Variants in ACSL4 observed in about 807,000 individuals in gnomAD.
ACSL4 encodes long-chain-fatty-acid--CoA ligase 4.
In ACSL4, 9 loss-of-function variants were observed where a neutral mutation model predicts 49.1. The ratio of observed to expected loss-of-function variants is 0.18; its 90% CI spans 0.11 to 0.32. The LOEUF is 0.32. ACSL4 is among the 10% of genes least tolerant of loss of function. The probability of loss-of-function intolerance (pLI) is 1.00; values close to 1 mark genes in which losing one functional copy is unlikely to be tolerated. For missense variants in ACSL4, 333 were observed against 493.7 expected (o/e 0.67, Z 3.08); for synonymous variants, 191 against 170.3 (o/e 1.12, Z -0.95).
chrX:109,667,975 T>C, intron 11 of ACSL4, 126 bp downstream of exon 11: 2 of 492,688 alleles, frequency 4.1e-6, no homozygotes, highest in South Asian at 7.9e-5. Context: ...AAAACTACAC[T>C]GATTTGCAAT....
chrX:109,653,657 G>A (rs1921360889), intron 15 of ACSL4, among the ~76,000 whole-genome samples: 1 of 109,955 alleles, frequency 9.1e-6, no homozygotes, highest in East Asian at 2.8e-4. Context: ...CCTTTGTAGG[G>A]ACATGGATGA....
intron 1 of ACSL4, among the ~76,000 whole-genome samples, chrX:109,701,554 T>G (rs1312641385): frequency 1.0e-5 from 1 of 96,215 alleles, no homozygotes; most frequent in South Asian, 5.1e-4. Flanking sequence ...TTTTCTTTTT[T>G]TTTTTTTTTT....
chrX:109,685,088 C>CTTT (rs1203140186), intron 2 of ACSL4, among the ~76,000 whole-genome samples: 19 of 77,428 alleles, frequency 2.5e-4, no homozygotes, highest in Admixed American at 4.4e-4. Flanking sequence ...TCTTTTCTTT[C>CTTT]TTTTTTTTTT....
chrX:109,730,511 T>C (rs1401823514), intron 1 of ACSL4, among the ~76,000 whole-genome samples: 1 of 111,938 alleles, frequency 8.9e-6, no homozygotes, highest in Non-Finnish European at 1.9e-5. Context: ...TGGATGTACA[T>C]CTGTCTCTCC....
intron 1 of ACSL4, among the ~76,000 whole-genome samples, chrX:109,731,921 G>A (rs1187902963): frequency 3.6e-5 from 4 of 112,251 alleles, no homozygotes; most frequent in Admixed American, 1.9e-4. Flanking sequence ...TACGTATCAA[G>A]AACATTTAAA....
intron 2 of ACSL4, among the ~76,000 whole-genome samples, chrX:109,695,276 C>G (rs900574943): frequency 1.0e-4 from 11 of 105,799 alleles, no homozygotes; most frequent in Admixed American, 3.0e-4. Context: ...ACCCGGGAGG[C>G]AGAGGTTGCA....
chrX:109,723,229 A>T (rs1463865260), intron 1 of ACSL4, among the ~76,000 whole-genome samples: 1 of 111,483 alleles, frequency 9.0e-6, no homozygotes, highest in East Asian at 2.8e-4. Flanking sequence ...CTATCAAAAT[A>T]GTAATTGTAT....
chrX:109,693,112 A>C (rs1925167782), intron 2 of ACSL4, among the ~76,000 whole-genome samples: 1 of 111,672 alleles, frequency 9.0e-6, no homozygotes, highest in Non-Finnish European at 1.9e-5. Context: ...AACCAGCTTA[A>C]TAGGTTAGTT....
intron 11 of ACSL4, 51 bp downstream of exon 11, chrX:109,668,049 AT>A: frequency 1.0e-6 from 1 of 971,377 alleles, no homozygotes; most frequent in African/African-American, 1.9e-5. Flanking sequence ...ATGCGAATGT[AT>A]TTTATTAGTA....
chrX:109,720,277 C>A (rs1161489256), intron 1 of ACSL4, among the ~76,000 whole-genome samples: 1 of 109,751 alleles, frequency 9.1e-6, no homozygotes, highest in Non-Finnish European at 1.9e-5. Context: ...TTGCAGTGAG[C>A]CGAGATCACG....
At chrX:109,678,489 T>G in intron 6 of ACSL4, 74 bp from the exon 7 acceptor site, 2 of 1,126,107 alleles carry the variant, frequency 1.8e-6, no homozygotes, top group South Asian at 3.7e-5. Flanking sequence ...ATAGGATATT[T>G]AGATTTTGCA....
intron 3 of ACSL4, 111 bp from the exon 4 acceptor site, chrX:109,683,007 A>G (rs1158539400): frequency 3.9e-6 from 4 of 1,018,143 alleles, no homozygotes; most frequent in Admixed American, 2.6e-5. Flanking sequence ...AGAAGCTATG[A>G]GCGGCTTCTG....
rs776990181 is a variant in ACSL4, at chrX:109,729,087, C to T, written c.-66+4052G>A. On this transcript the variant is annotated intron_variant, in intron 1 of 15. Coordinates refer to ENST00000672401, the MANE Select transcript of ACSL4 (RefSeq NM_001318510.2). ...AAAAAAAATTAGCCAGGTGTGGTGG[C>T]GGGTGCCTGTAGTCCCAGATACTTG... 6.0e-4 allele frequency among the ~76,000 whole-genome samples: 65 copies of T among 108,613 alleles called. 1 individual carries two copies. In the East Asian group the frequency reaches 0.014, roughly 23 times the overall value. The allele number at this position is 108,613 out of a possible 115,157, so 94.3% of individuals were successfully genotyped here.
chrX:109,649,097 T>G (rs1934887354), intron 15 of ACSL4, among the ~76,000 whole-genome samples: 1 of 110,814 alleles, frequency 9.0e-6, no homozygotes, highest in African/African-American at 3.3e-5. Context: ...ATGGCCACAC[T>G]GCCCAAGGTA....
At chrX:109,646,432 G>C (rs1216175969) in intron 15 of ACSL4, among the ~76,000 whole-genome samples, 2 of 108,912 alleles carry the variant, frequency 1.8e-5, no homozygotes, top group East Asian at 5.8e-4. Flanking sequence ...AGCTTCATAA[G>C]TGAAGGAGAA....
intron 1 of ACSL4, among the ~76,000 whole-genome samples, chrX:109,711,784 G>A (rs1043991458): frequency 1.8e-5 from 2 of 110,765 alleles, no homozygotes; most frequent in Admixed American, 9.7e-5. Context: ...AGTACCCTAC[G>A]GGACAGCACT....
intron 15 of ACSL4, among the ~76,000 whole-genome samples, chrX:109,655,752 A>G (rs1311295145): frequency 9.0e-6 from 1 of 111,534 alleles, no homozygotes; most frequent in African/African-American, 3.3e-5. Flanking sequence ...AGAAATTAAC[A>G]TAATGACTCT....
intron 1 of ACSL4, among the ~76,000 whole-genome samples, chrX:109,712,479 G>C (rs1452867045): frequency 8.9e-6 from 1 of 112,031 alleles, no homozygotes; most frequent in African/African-American, 3.2e-5. Context: ...CAGAGTAAGT[G>C]ACAGTGTGTT....
chrX:109,683,069 C>A lies in ACSL4; in HGVS notation c.228+67G>T. On this transcript the variant is annotated intron_variant, in intron 3 of 15. Transcript: ENST00000672401. ...AATGCCAGCATACTTAAAACGCACT[C>A]GATTTATGATAAAACAAATGTGTCT... 12 of 1,124,668 alleles carry A rather than the reference C, an allele frequency of 1.1e-5. No individual in the cohort carries two copies. In the South Asian group the frequency reaches 2.0e-4, roughly 19 times the overall value. 92.7% of individuals were successfully genotyped at this position (1,124,668 alleles called of 1,213,427 possible). A position where few individuals can be genotyped will look rare whatever the true frequency, so the allele number is the denominator to read the frequency against.
Sources: gnomAD v4.1 joint callset for allele counts (sites outside exome capture counted in the v4.1 genomes callset) on GRCh38, gnomAD v4.1.1 for gene constraint, MANE v1.5 for transcripts, NCBI Gene and HGNC (gene_info 2026-07-23, HGNC 2026-07-21) for gene names.